TRAM1: variants seen among roughly 807,000 people sequenced by gnomAD.
The protein encoded by TRAM1 is translocation associated membrane protein 1.
Under a neutral mutation model 48.7 loss-of-function variants are expected in TRAM1, and 17 were observed. That is an observed-to-expected ratio of 0.35 (90% confidence interval 0.24 to 0.52). The LOEUF is 0.52. Among genes scored for constraint, TRAM1 ranks in the 20% least tolerant of loss-of-function variants. The pLI is 0.94. For synonymous variants in TRAM1, 182 were observed against 154.0 expected, an observed-to-expected ratio of 1.18 and a Z score of -1.34; for missense variants, 351 against 441.5, an observed-to-expected ratio of 0.79 and a Z score of 1.84.
At chr8:70,590,026 C>G (rs1410950137) in intron 6 of TRAM1, among the ~76,000 whole-genome samples, 1 of 151,908 alleles carries the variant, frequency 6.6e-6, no homozygotes, top group East Asian at 1.9e-4. Flanking sequence ...CAATGCTCCA[C>G]ATTTCAGAGG....
chr8:70,603,287 CTA>C (rs914588941), intron 1 of TRAM1, among the ~76,000 whole-genome samples: 16 of 134,594 alleles, frequency 1.2e-4, no homozygotes, highest in South Asian at 2.6e-4. Context: ...TATATACACA[CTA>C]TATATATGTT....
chr8:70,587,654 A>AT (rs1817255423), intron 6 of TRAM1: 1 of 154,450 alleles, frequency 6.5e-6, no homozygotes, highest in Non-Finnish European at 1.4e-5. Context: ...TAATATTAAA[A>AT]TTGTTATGTT....
intron 5 of TRAM1, 73 bp downstream of exon 5, chr8:70,596,190 C>G: frequency 8.0e-7 from 1 of 1,256,412 alleles, no homozygotes; most frequent in Non-Finnish European, 1.1e-6. Flanking sequence ...AAGAGAATAA[C>G]AAGAATGAAT....
intron 6 of TRAM1, among the ~76,000 whole-genome samples, chr8:70,589,658 C>A (rs146583796): frequency 6.6e-6 from 1 of 151,924 alleles, no homozygotes; most frequent in Non-Finnish European, 1.5e-5. Flanking sequence ...GGCAACATGG[C>A]GAAACCCCAT....
At position 70,607,882 on chromosome 8, in the gene TRAM1, C is replaced by T. The variant is rs568426266; in HGVS notation, c.123+195G>A. 276 of 589,898 alleles carry T rather than the reference C, an allele frequency of 4.7e-4. 3 individuals carry two copies. In the East Asian group the frequency reaches 0.01, roughly 22 times the overall value. The allele number at this position is 589,898 out of a possible 1,614,324, so 36.5% of individuals were successfully genotyped here. On this transcript the variant is annotated intron_variant, in intron 1 of 10. Coordinates refer to ENST00000262213, the MANE Select transcript of TRAM1 (RefSeq NM_014294.6). ...TGAGGCCCACCGGGACTTTGCATCT[C>T]CGGGCCGGCCGCCGGGGAGCTGCCG...
intron 8 of TRAM1, among the ~76,000 whole-genome samples, chr8:70,585,677 A>G (rs1449967560): frequency 2.1e-5 from 3 of 140,748 alleles, no homozygotes; most frequent in Admixed American, 1.4e-4. Context: ...AAAAATGCTC[A>G]TCATCACTGG....
At chr8:70,590,131 T>C (rs1270057711) in intron 6 of TRAM1, among the ~76,000 whole-genome samples, 1 of 122,242 alleles carries the variant, frequency 8.2e-6, no homozygotes, top group Non-Finnish European at 1.8e-5. Context: ...AAAACTTGGG[T>C]AAGGCAATGT....
chr8:70,602,274 G>C (rs1817620925), intron 1 of TRAM1, among the ~76,000 whole-genome samples: 1 of 152,200 alleles, frequency 6.6e-6, no homozygotes, highest in Non-Finnish European at 1.5e-5. Context: ...GTGGACTGAA[G>C]AACACAGAGG....
intron 8 of TRAM1, among the ~76,000 whole-genome samples, chr8:70,585,239 C>T (rs1288698434): frequency 2.0e-5 from 3 of 152,094 alleles, no homozygotes; most frequent in South Asian, 2.1e-4. Flanking sequence ...AAAGCTGAAA[C>T]TGGATCCCTT....
chr8:70,577,205 G>C (rs1816975031), intron 10 of TRAM1, among the ~76,000 whole-genome samples: 1 of 152,164 alleles, frequency 6.6e-6, no homozygotes, highest in Non-Finnish European at 1.5e-5. Context: ...AGGGCAGCTT[G>C]GTGTGGGTCT....
In TRAM1 at chr8:70,574,952, TA is replaced by T; in HGVS notation, c.1104del (p.Asn368LysfsTer11). The part of the protein sequence containing the change: ...LTSNVADSPR[N>X]KKEKSS The stretch of plus-strand genomic sequence containing the variant: ...ATTCATTATGAAGATTTCTCTTTTT[TA>T]TTCCGGGGAGAGTCTGCTACATTTG... On this transcript the variant is annotated frameshift_variant, in exon 11 of 11. Coordinates refer to ENST00000262213, the MANE Select transcript of TRAM1 (RefSeq NM_014294.6). LOFTEE classifies it high-confidence loss of function. 6.2e-7 allele frequency: 1 copy of T among 1,610,136 alleles called. No homozygotes were observed. The highest frequency in any genetic ancestry group is 1.7e-5 in the Admixed American group (1 of 59,670).
chr8:70,591,541 T>A (rs770347693), intron 6 of TRAM1, among the ~76,000 whole-genome samples: 3 of 152,126 alleles, frequency 2.0e-5, no homozygotes, highest in Admixed American at 6.5e-5. Context: ...CGTAAATAAC[T>A]TCAAGTGCCA....
chr8:70,596,106 C>CT lies in TRAM1; in HGVS notation c.485+156dup, dbSNP rs139404566. Among the ~76,000 whole-genome samples, 589 of 151,370 alleles carry CT rather than the reference C, an allele frequency of 3.9e-3. 7 individuals carry two copies. The highest frequency in any genetic ancestry group is 0.014 in the African/African-American group (560 of 41,260). On this transcript the variant is annotated intron_variant, in intron 5 of 10. Coordinates refer to ENST00000262213, the MANE Select transcript of TRAM1 (RefSeq NM_014294.6). ...AGAAACATTAAAAAAAGGTACACAG[C>CT]TTTTTTTTTCTTACGGCAGTGGGAC... is the stretch of plus-strand genomic sequence containing the variant.
At chr8:70,607,971 G>A (rs1817787611) in intron 1 of TRAM1, 106 bp downstream of exon 1, 1 of 1,386,546 alleles carries the variant, frequency 7.2e-7, no homozygotes, top group East Asian at 2.9e-5. Flanking sequence ...CCCACCCCGG[G>A]CCCGAGCCCC....
intron 1 of TRAM1, among the ~76,000 whole-genome samples, chr8:70,601,012 G>GT (rs1817598197): frequency 6.6e-6 from 1 of 152,150 alleles, no homozygotes; most frequent in Non-Finnish European, 1.5e-5. Context: ...AAAGGACTCT[G>GT]TTTTTTGAGC....
chr8:70,583,342 A>G lies in TRAM1; in HGVS notation c.891-18T>C, dbSNP rs568736523. 6.2e-7 allele frequency: 1 copy of G among 1,607,556 alleles called. No homozygotes were observed. The highest frequency in any genetic ancestry group is 8.5e-7 in the Non-Finnish European group (1 of 1,176,406). On this transcript the variant is annotated intron_variant, in intron 9 of 10. Coordinates refer to ENST00000262213, the MANE Select transcript of TRAM1 (RefSeq NM_014294.6). ...CAGCGATTCTAAGAAATATTAAGAC[A>G]TAAAAAGTTAGTGTATAAAAAACAA...
chr8:70,578,672 G>A (rs1004866739), intron 10 of TRAM1, among the ~76,000 whole-genome samples: 1 of 152,150 alleles, frequency 6.6e-6, no homozygotes, highest in East Asian at 1.9e-4. Context: ...CTTAGTTGGT[G>A]AACACTTCCA....
At chr8:70,603,339 G>A (rs1817649748) in intron 1 of TRAM1, among the ~76,000 whole-genome samples, 1 of 142,646 alleles carries the variant, frequency 7.0e-6, no homozygotes, top group Admixed American at 6.8e-5. Flanking sequence ...CACACAATCT[G>A]TTTTACACAC....
intron 1 of TRAM1, among the ~76,000 whole-genome samples, chr8:70,605,133 G>A (rs895670110): frequency 1.3e-5 from 2 of 152,068 alleles, no homozygotes; most frequent in African/African-American, 4.8e-5. Flanking sequence ...AGAGATTCCA[G>A]GCCCTTCTCT....
Sources: allele counts gnomAD v4.1 joint callset (sites outside exome capture counted in the v4.1 genomes callset), GRCh38; gene constraint gnomAD v4.1.1; transcripts MANE v1.5; gene names NCBI Gene and HGNC (gene_info 2026-07-23, HGNC 2026-07-21).